The following SARM1 variants were observed in gnomAD, a reference collection of about 807,000 sequenced individuals.
SARM1 encodes the protein sterile alpha and TIR motif containing 1, also known as NAD(+) hydrolase SARM1.
A neutral mutation model predicts 65.1 loss-of-function variants in SARM1; 60 were observed. That is an observed-to-expected ratio of 0.92 (90% CI 0.75 to 1.14). SARM1 has a LOEUF of 1.14. Among genes scored for constraint, SARM1 ranks in the 50% most tolerant of loss-of-function variants. The probability of loss-of-function intolerance (pLI) is 0.00; values close to 1 mark genes in which losing one functional copy is unlikely to be tolerated. For synonymous variants in SARM1, 417 were observed against 465.4 expected (o/e 0.90, Z 1.34); for missense variants, 913 against 1,015.7 (o/e 0.90, Z 1.37).
Position 28,377,909 on chromosome 17 carries a change from G to A in SARM1, c.471-3294G>A, listed in dbSNP as rs533490203. On this transcript the variant is annotated intron_variant, in intron 1 of 8. Coordinates refer to ENST00000585482, the MANE Select transcript of SARM1 (RefSeq NM_015077.4). ...GATGGGGTTTCACCATGTTGGCCAG[G>A]CTGGTCTTGAACTCCTGACCTCAAG... Among the ~76,000 whole-genome samples, 187 of 152,286 alleles carry A rather than the reference G, an allele frequency of 1.2e-3. 1 individual carries two copies. The highest frequency in any genetic ancestry group is 2.1e-3 in the Non-Finnish European group (145 of 68,026).
chr17:28,394,162 A>AG (rs1555587299), intron 7 of SARM1, among the ~76,000 whole-genome samples: 1 of 152,240 alleles, frequency 6.6e-6, no homozygotes, highest in African/African-American at 2.4e-5. Flanking sequence ...AATTTTAAGT[A>AG]GGGGGTGACA....
chr17:28,372,585 G>T lies in SARM1; in HGVS notation c.470+83G>T, dbSNP rs939703473. 371 of 1,102,926 alleles carry T rather than the reference G, an allele frequency of 3.4e-4. No homozygotes were observed. Among genetic ancestry groups the T allele is most frequent in the Non-Finnish European group, 4.5e-4 (362 of 799,042 alleles). The allele number at this position is 1,102,926 out of a possible 1,614,324, so 68.3% of individuals were successfully genotyped here. ...TGCGTTCCCGTGTGCCTTGCGCCGTGCCTTTGCCTCCCTCACCTCTCTGAC... is the reference window on the plus strand; with the variant it reads ...TGCGTTCCCGTGTGCCTTGCGCCGTTCCTTTGCCTCCCTCACCTCTCTGAC... On this transcript the variant is annotated intron_variant, in intron 1 of 8. Coordinates refer to ENST00000585482, the MANE Select transcript of SARM1 (RefSeq NM_015077.4). The surrounding 1 kb of genome is among the most constrained non-coding windows in gnomAD (Gnocchi z 5.2).
In SARM1 at chr17:28,399,725, CAGAG is replaced by C. The variant is rs1236055615; in HGVS notation, c.*3446_*3449del. On this transcript the variant is annotated 3_prime_UTR_variant, in exon 9 of 9. Transcript: ENST00000585482. Reference sequence around the variant, plus strand: ...CCTTTTCCAGCATCCTGTGAGAGACCAGAGAGAGAGTTTGGATTTCATGTGGGGA... The same window carrying C: ...CCTTTTCCAGCATCCTGTGAGAGACCAGAGAGTTTGGATTTCATGTGGGGA... 8 of 1,613,724 alleles carry C rather than the reference CAGAG, an allele frequency of 5.0e-6. No individual in the cohort carries two copies. The highest frequency in any genetic ancestry group is 2.2e-5 in the East Asian group (1 of 44,878).
intron 7 of SARM1, chr17:28,394,658 A>AGTT (rs2068099448): frequency 6.6e-6 from 1 of 152,246 alleles, no homozygotes; most frequent in Non-Finnish European, 1.5e-5. Flanking sequence ...ACTTACTATT[A>AGTT]GTTGTTTATT....
Position 28,402,125 on chromosome 17 carries a change from TC to T in SARM1, c.*5841del. 4.6e-6 allele frequency: 4 copies of T among 871,346 alleles called. No homozygotes were observed. The highest frequency in any genetic ancestry group is 7.0e-6 in the Non-Finnish European group (4 of 572,564). The allele number at this position is 871,346 out of a possible 1,614,324, so 54.0% of individuals were successfully genotyped here. A position where few individuals can be genotyped will look rare whatever the true frequency, so the allele number is the denominator to read the frequency against. Reference sequence around the variant, plus strand: ...TGTGTTTGTTTTGGCCACTTACTTCTCCAGGGTGAGAGGGGGGAAGGCAAGC... The same window carrying T: ...TGTGTTTGTTTTGGCCACTTACTTCTCAGGGTGAGAGGGGGGAAGGCAAGC... On this transcript the variant is annotated 3_prime_UTR_variant, in exon 9 of 9. Transcript: ENST00000585482.
At position 28,378,636 on chromosome 17, in the gene SARM1, GT is replaced by G. The variant is rs1191518629; in HGVS notation, c.471-2561del. ...TATTGGTTTTTTTGTTTTTGTTTTT[GT>G]TTTTTGTTTTTTGGGTTTTTTGTTT... On this transcript the variant is annotated intron_variant, in intron 1 of 8. Transcript: ENST00000585482. Among the ~76,000 whole-genome samples, 4 of 151,492 alleles carry G rather than the reference GT, an allele frequency of 2.6e-5. No individual in the cohort carries two copies. The East Asian group carries it at 7.7e-4, about 29-fold the overall frequency.
In SARM1 at chr17:28,396,415, C is replaced by G; in HGVS notation, c.*129C>G. On this transcript the variant is annotated 3_prime_UTR_variant, in exon 9 of 9. Coordinates refer to ENST00000585482, the MANE Select transcript of SARM1 (RefSeq NM_015077.4). ...CTTCTTAGGAAATGGCTCTCCCTCC[C>G]CCTGTCCCCCACCCTCATGGCCCAC... 1.9e-6 allele frequency: 2 copies of G among 1,042,186 alleles called. No individual in the cohort carries two copies. The highest frequency in any genetic ancestry group is 2.8e-6 in the Non-Finnish European group (2 of 706,854). The allele number at this position is 1,042,186 out of a possible 1,614,324, so 64.6% of individuals were successfully genotyped here.
chr17:28,381,046 A>C (rs1555585129), intron 1 of SARM1, among the ~76,000 whole-genome samples, 157 bp from the exon 2 acceptor site: 1 of 152,040 alleles, frequency 6.6e-6, no homozygotes, highest in African/African-American at 2.4e-5. Context: ...GGGTCCTCCC[A>C]GGGGAGGAGA....
intron 7 of SARM1, among the ~76,000 whole-genome samples, chr17:28,390,839 G>A (rs971215314): frequency 3.3e-5 from 5 of 152,178 alleles, no homozygotes; most frequent in Non-Finnish European, 7.3e-5. Context: ...ATAAAGGTAG[G>A]GAGGAGAACA....
At chr17:28,388,132 C>A (rs1335156654) in intron 5 of SARM1, 42 bp from the exon 6 acceptor site, 2 of 1,363,244 alleles carry the variant, frequency 1.5e-6, no homozygotes, top group Middle Eastern at 2.5e-4. Context: ...GTGAGTGATG[C>A]GGAGGGGCCA....
In SARM1 at chr17:28,388,053, C is replaced by G. The variant is rs116028691; in HGVS notation, c.1631-121C>G. On this transcript the variant is annotated intron_variant, in intron 5 of 8. Coordinates refer to ENST00000585482, the MANE Select transcript of SARM1 (RefSeq NM_015077.4). ...TTTCTCCTTTTTGGGGCAGGCCACC[C>G]TCCCCAGGCTGGGCTGAGAGGGCTT... 148 of 774,710 alleles carry G rather than the reference C, an allele frequency of 1.9e-4. No individual in the cohort carries two copies. In the African/African-American group the frequency reaches 2.3e-3, roughly 12 times the overall value. The allele number at this position is 774,710 out of a possible 1,614,324, so 48.0% of individuals were successfully genotyped here.
rs781882550 is a variant in SARM1, at chr17:28,381,768, G to T, written c.1036G>T (p.Ala346Ser). ...CCGCTTGGAGGCGCAGTGCATCGGGGCTTTCTACCTCTGCGCCGAGGCTGC... is the reference window on the plus strand; with the variant it reads ...CCGCTTGGAGGCGCAGTGCATCGGGTCTTTCTACCTCTGCGCCGAGGCTGC... ...SNRLEAQCIG[A>S]FYLCAEAAIK... Residue 346 changes from alanine (A) to serine (S), a missense_variant, in exon 2 of 9, where the codon GCT (alanine) becomes TCT (serine). This residue lies in a region of SARM1 where 862 missense variants were observed against 952.1 expected (regional missense o/e 0.91). Coordinates refer to ENST00000585482, the MANE Select transcript of SARM1 (RefSeq NM_015077.4). 4 of 1,479,500 alleles carry T rather than the reference G, an allele frequency of 2.7e-6. No individual in the cohort carries two copies. The Admixed American group carries it at 1.0e-4, about 39-fold the overall frequency. 91.6% of individuals were successfully genotyped at this position (1,479,500 alleles called of 1,614,324 possible).
intron 7 of SARM1, among the ~76,000 whole-genome samples, chr17:28,391,405 G>C (rs1332215628): frequency 6.6e-6 from 1 of 152,166 alleles, no homozygotes; most frequent in Admixed American, 6.5e-5. Flanking sequence ...GAAGATGCCA[G>C]GGCGGTGGGT....
chr17:28,380,087 T>C (rs1381630929), intron 1 of SARM1, among the ~76,000 whole-genome samples: 1 of 141,020 alleles, frequency 7.1e-6, no homozygotes, highest in East Asian at 2.2e-4. Context: ...TCTCTCTCTC[T>C]TTTTTTTTTT....
rs782714304 is a variant in SARM1 at position 28,385,179 on chromosome 17, C to G, written c.1534C>G (p.Arg512Gly). ...TYGLVSCGLD[R>G]SLLHRVSEQQ... ...CGGCCTGGTCAGCTGCGGCCTGGAC[C>G]GCTCCCTGCTGCACCGCGTGTCTGA... Residue 512 changes from arginine to glycine, a missense_variant, in exon 5 of 9, where the codon CGC (arginine) becomes GGC (glycine). Transcript: ENST00000585482. The surrounding 1 kb of genome is among the most constrained non-coding windows in gnomAD (Gnocchi z 4.5). 1 of 1,610,058 alleles carries G rather than the reference C, an allele frequency of 6.2e-7. No homozygotes were observed. The highest frequency in any genetic ancestry group is 1.1e-5 in the South Asian group (1 of 90,594).
intron 2 of SARM1, among the ~76,000 whole-genome samples, chr17:28,383,938 T>C (rs2068036986): frequency 6.6e-6 from 1 of 152,020 alleles, no homozygotes; most frequent in Non-Finnish European, 1.5e-5. Context: ...TTTGGAAACA[T>C]AGTGGGCCAA....
At chr17:28,395,259 A>C (rs2068105593) in intron 7 of SARM1, 1 of 152,184 alleles carries the variant, frequency 6.6e-6, no homozygotes, top group Non-Finnish European at 1.5e-5. Flanking sequence ...TGCCCAGCTG[A>C]ATTATTTAAT....
In SARM1 at chr17:28,385,370, G is replaced by A. The variant is rs7216657; in HGVS notation, c.1630+95G>A. ...ACACGGGGTGGAGCCTTCCAGCCTC[G>A]CCGTGGATTGATTGAGCACAAACGT... On this transcript the variant is annotated intron_variant, in intron 5 of 8. Coordinates refer to ENST00000585482, the MANE Select transcript of SARM1 (RefSeq NM_015077.4). The surrounding 1 kb of genome is among the most constrained non-coding windows in gnomAD (Gnocchi z 4.5). 89,248 of 945,496 alleles carry A rather than the reference G, an allele frequency of 0.094. 5,077 individuals carry two copies. Among genetic ancestry groups the A allele is most frequent in the East Asian group, 0.19 (7,090 of 37,528 alleles). 58.6% of individuals were successfully genotyped at this position (945,496 alleles called of 1,614,324 possible).
At chr17:28,392,588 C>T (rs1210098856) in intron 7 of SARM1, among the ~76,000 whole-genome samples, 5 of 152,208 alleles carry the variant, frequency 3.3e-5, no homozygotes, top group Admixed American at 1.3e-4. Context: ...TTGGCTGAAA[C>T]AGCCTGGACT....
Sources: allele counts gnomAD v4.1 joint callset (sites outside exome capture counted in the v4.1 genomes callset), GRCh38; gene constraint gnomAD v4.1.1; regional missense constraint gnomAD v4.1.1; non-coding constraint Gnocchi (gnomAD v3.1); transcripts MANE v1.5; gene names NCBI Gene and HGNC (gene_info 2026-07-23, HGNC 2026-07-21).